Variants in HNF4G observed in about 807,000 individuals in gnomAD.
The protein encoded by HNF4G is hepatocyte nuclear factor 4 gamma.
In HNF4G, 21 loss-of-function variants were observed where a neutral mutation model predicts 50.9. The observed-to-expected ratio is 0.41, with a 90% CI of 0.29 to 0.59. HNF4G has a LOEUF of 0.59. HNF4G is among the 20% of genes least tolerant of loss of function. HNF4G has a pLI of 0.26. For missense variants in HNF4G, 527 were observed against 559.4 expected, an observed-to-expected ratio of 0.94 and a Z score of 0.58; for synonymous variants, 198 against 185.6, an observed-to-expected ratio of 1.07 and a Z score of -0.54.
chr8:75,465,639 C>T (rs947240635), intron 1 of HNF4G, among the ~76,000 whole-genome samples: 2 of 150,582 alleles, frequency 1.3e-5, no homozygotes, highest in Non-Finnish European at 3.0e-5. Context: ...AGTAGAAAGA[C>T]AACAAAAGTA....
At chr8:75,411,147 A>G (rs1238930703) in intron 1 of HNF4G, among the ~76,000 whole-genome samples, 2 of 152,240 alleles carry the variant, frequency 1.3e-5, no homozygotes, top group Non-Finnish European at 2.9e-5. Flanking sequence ...GGGGATTCAA[A>G]TGAAGGCACG....
intron 1 of HNF4G, among the ~76,000 whole-genome samples, chr8:75,480,536 T>C (rs770351519): frequency 2.0e-5 from 3 of 152,210 alleles, no homozygotes; most frequent in Non-Finnish European, 4.4e-5. Flanking sequence ...ATTTTTTGTA[T>C]TGAAGTATGG....
At chr8:75,481,293 G>A (rs7814138) in intron 1 of HNF4G, among the ~76,000 whole-genome samples, 79,646 of 151,950 alleles carry the variant, frequency 0.52, 23,183 homozygotes, top group African/African-American at 0.79. Flanking sequence ...AGACACAGGA[G>A]TTACCATACA....
chr8:75,531,770 G>A (rs1047071731), intron 2 of HNF4G, among the ~76,000 whole-genome samples: 1 of 151,964 alleles, frequency 6.6e-6, no homozygotes, highest in African/African-American at 2.4e-5. Flanking sequence ...GTATACAAAA[G>A]GATGTGCATA....
chr8:75,536,011 G>A (rs1005450985), upstream of HNF4G, among the ~76,000 whole-genome samples: 30 of 151,814 alleles, frequency 2.0e-4, no homozygotes, highest in African/African-American at 6.5e-4. Flanking sequence ...AATTAGTTGT[G>A]CTATTTAAAA....
chr8:75,424,042 T>G (rs185541318), intron 1 of HNF4G, among the ~76,000 whole-genome samples: 4 of 151,728 alleles, frequency 2.6e-5, no homozygotes, highest in Admixed American at 2.0e-4. Flanking sequence ...AGGATGGTCT[T>G]GATCTCTTGA....
intron 1 of HNF4G, among the ~76,000 whole-genome samples, chr8:75,454,398 G>A (rs1811669051): frequency 6.6e-6 from 1 of 152,140 alleles, no homozygotes. Context: ...CCAGTACATC[G>A]TAAAACCTCA....
At chr8:75,491,710 G>C in intron 2 of HNF4G, among the ~76,000 whole-genome samples, 1 of 152,234 alleles carries the variant, frequency 6.6e-6, no homozygotes, top group South Asian at 2.1e-4. Context: ...ACCTGACCTC[G>C]GGTGATCCAT....
At chr8:75,498,340 G>A (rs1812833444) in intron 2 of HNF4G, among the ~76,000 whole-genome samples, 1 of 151,902 alleles carries the variant, frequency 6.6e-6, no homozygotes, top group South Asian at 2.1e-4. Flanking sequence ...AAGACACAAA[G>A]TATCAAATCT....
At chr8:75,466,735 C>G (rs1013977033) in intron 1 of HNF4G, among the ~76,000 whole-genome samples, 10 of 149,448 alleles carry the variant, frequency 6.7e-5, no homozygotes, top group African/African-American at 2.2e-4. Context: ...ACTCTGTCAC[C>G]CAGGCTGAGT....
intron 1 of HNF4G, among the ~76,000 whole-genome samples, chr8:75,430,683 G>T (rs1180209112): frequency 1.3e-5 from 2 of 152,170 alleles, no homozygotes; most frequent in Non-Finnish European, 2.9e-5. Context: ...ACTTTTAAGT[G>T]ACACTTGGTT....
chr8:75,412,476 A>G (rs2130463074), intron 1 of HNF4G, among the ~76,000 whole-genome samples: 1 of 152,362 alleles, frequency 6.6e-6, no homozygotes, highest in South Asian at 2.1e-4. Flanking sequence ...CTATTTCAGT[A>G]TAGAAGAATC....
intron 2 of HNF4G, among the ~76,000 whole-genome samples, chr8:75,533,243 G>A (rs1407905457): frequency 1.3e-5 from 2 of 151,978 alleles, no homozygotes; most frequent in Non-Finnish European, 2.9e-5. Flanking sequence ...GAAAATAGAA[G>A]GTCTTTGCCT....
intron 1 of HNF4G, among the ~76,000 whole-genome samples, chr8:75,543,271 A>G (rs536477043): frequency 6.6e-6 from 1 of 152,314 alleles, no homozygotes; most frequent in Admixed American, 6.5e-5. Context: ...GATTGGTTAT[A>G]AAAGATAAAG....
At chr8:75,482,242 G>T (rs1396388563) in intron 1 of HNF4G, among the ~76,000 whole-genome samples, 1 of 152,064 alleles carries the variant, frequency 6.6e-6, no homozygotes, top group Non-Finnish European at 1.5e-5. Flanking sequence ...TTAGCTAGTT[G>T]CCTAGAAAAA....
chr8:75,547,471 T>C, intron 2 of HNF4G, 116 bp from the exon 3 acceptor site: 2 of 726,014 alleles, frequency 2.8e-6, no homozygotes, highest in Non-Finnish European at 4.8e-6. Context: ...ATTGTTCCTA[T>C]ACCTTCTTTT....
chr8:75,442,553 A>T (rs994373280), intron 1 of HNF4G, among the ~76,000 whole-genome samples: 1 of 152,092 alleles, frequency 6.6e-6, no homozygotes, highest in Non-Finnish European at 1.5e-5. Context: ...AGCTTGGGCA[A>T]CAGAGAGAGA....
intron 3 of HNF4G, among the ~76,000 whole-genome samples, chr8:75,548,039 A>G (rs1164497888): frequency 6.8e-6 from 1 of 147,918 alleles, no homozygotes; most frequent in African/African-American, 2.5e-5. Flanking sequence ...ACCAGGCTGG[A>G]GTGCAGAGTG....
intron 1 of HNF4G, among the ~76,000 whole-genome samples, chr8:75,452,494 G>A (rs1489389172): frequency 1.3e-5 from 2 of 152,110 alleles, no homozygotes; most frequent in Non-Finnish European, 2.9e-5. Flanking sequence ...CCGAAGCGGG[G>A]GGATCATGAG....
Sources: allele counts gnomAD v4.1 joint callset (sites outside exome capture counted in the v4.1 genomes callset), GRCh38; gene constraint gnomAD v4.1.1; transcripts MANE v1.5; gene names NCBI Gene and HGNC (gene_info 2026-07-23, HGNC 2026-07-21).